Variants in TMIGD3 observed in about 807,000 individuals in gnomAD.
TMIGD3 encodes the protein AD026 protein (AD026).
A neutral mutation model predicts 28.1 loss-of-function variants in TMIGD3; 21 were observed. That is an observed-to-expected ratio of 0.75 (90% CI 0.53 to 1.08). The LOEUF is 1.08. Among genes scored for constraint, TMIGD3 ranks in the 50% least tolerant of loss-of-function variants. The pLI, the probability that TMIGD3 is intolerant of heterozygous loss-of-function variation, is 0.00. For synonymous variants in TMIGD3, 151 were observed against 162.1 expected, an observed-to-expected ratio of 0.93 and a Z score of 0.52; for missense variants, 416 against 435.6, an observed-to-expected ratio of 0.96 and a Z score of 0.40.
intron 1 of TMIGD3, among the ~76,000 whole-genome samples, chr1:111,555,086 C>T (rs1366843558): frequency 4.6e-5 from 7 of 151,956 alleles, no homozygotes; most frequent in African/African-American, 7.2e-5. Context: ...ATCAGGCAGG[C>T]GGGGCACAGT....
At chr1:111,547,825 C>T (rs1483086544) in intron 1 of TMIGD3, among the ~76,000 whole-genome samples, 3 of 152,118 alleles carry the variant, frequency 2.0e-5, no homozygotes, top group Non-Finnish European at 4.4e-5. Context: ...TCTGGTGAAG[C>T]TTTCCTGGTA....
intron 1 of TMIGD3, chr1:111,499,781 A>C: frequency 1.4e-6 from 2 of 1,442,416 alleles, no homozygotes; most frequent in South Asian, 1.5e-5. Context: ...AAGTGGAGGA[A>C]GAGAGTAGTG....
intron 5 of TMIGD3, 39 bp downstream of exon 5, chr1:111,485,701 A>T: frequency 1.5e-6 from 2 of 1,366,050 alleles, no homozygotes; most frequent in Non-Finnish European, 2.1e-6. Context: ...CATTTTCTCT[A>T]ATTCTTGCCC....
Position 111,488,984 on chromosome 1 carries a change from C to T in TMIGD3, c.498G>A (p.Val166=). The change falls in exon 3 of 6, where the codon GTG becomes GTA. Residue 166 remains valine (V), a synonymous_variant. Transcript: ENST00000369716. ...TGCAGATGGCAGAAGCCGTGTCCAG[C>T]ACAAAGCTTCTCTTGACCTTTTCAT... ...VMDEKVKRSF[V]LDTASAICNY... 1.9e-6 allele frequency: 3 copies of T among 1,613,924 alleles called. 1 individual carries two copies. The highest frequency in any genetic ancestry group is 3.3e-4 in the Middle Eastern group (2 of 6,060).
At chr1:111,560,370 C>A (rs1657684000) in intron 1 of TMIGD3, among the ~76,000 whole-genome samples, 1 of 151,730 alleles carries the variant, frequency 6.6e-6, no homozygotes, top group South Asian at 2.1e-4. Flanking sequence ...AGGCCTAAGG[C>A]AGGGGCTGAT....
At chr1:111,500,328 C>A (rs1229704416) in intron 1 of TMIGD3, 1 of 1,614,102 alleles carries the variant, frequency 6.2e-7, no homozygotes, top group Non-Finnish European at 8.5e-7. Context: ...AGATGGCGCA[C>A]ATGACAACCA....
At chr1:111,518,542 A>G (rs11808539) in intron 1 of TMIGD3, among the ~76,000 whole-genome samples, 41,393 of 152,038 alleles carry the variant, frequency 0.27, 6,177 homozygotes, top group East Asian at 0.66. Flanking sequence ...GATGAGAATC[A>G]CTCCCAGTTG....
intron 1 of TMIGD3, among the ~76,000 whole-genome samples, chr1:111,492,130 A>G (rs958246800): frequency 2.0e-5 from 3 of 152,172 alleles, no homozygotes; most frequent in African/African-American, 4.8e-5. Flanking sequence ...GGAAAAACCA[A>G]TTCACCAGAC....
chr1:111,543,603 G>GAGGAGGAGGAAGAGAAGGAGGAAT lies in TMIGD3; in HGVS notation c.107+20219_107+20242dup, dbSNP rs11270926. On this transcript the variant is annotated intron_variant, in intron 1 of 5. Transcript: ENST00000369717. Reference sequence around the variant, plus strand: ...AAAAGATTAGGCCCTCTGTCTTAAGGAGGAGGAGGAAGAGAAGGAGGAATA... The same window carrying GAGGAGGAGGAAGAGAAGGAGGAAT: ...AAAAGATTAGGCCCTCTGTCTTAAGGAGGAGGAGGAAGAGAAGGAGGAATAGGAGGAGGAAGAGAAGGAGGAATA... Among the ~76,000 whole-genome samples, 5 of 146,100 alleles carry GAGGAGGAGGAAGAGAAGGAGGAAT rather than the reference G, an allele frequency of 3.4e-5. No individual in the cohort carries two copies. In the East Asian group the frequency reaches 1.0e-3, roughly 29 times the overall value.
At chr1:111,518,570 C>T (rs914949209) in intron 1 of TMIGD3, among the ~76,000 whole-genome samples, 13 of 152,200 alleles carry the variant, frequency 8.5e-5, no homozygotes, top group South Asian at 8.3e-4. Flanking sequence ...GTGATCTAAA[C>T]GAGAAGCCTA....
intron 1 of TMIGD3, among the ~76,000 whole-genome samples, chr1:111,543,493 A>C (rs1656921702): frequency 6.6e-6 from 1 of 152,150 alleles, no homozygotes; most frequent in African/African-American, 2.4e-5. Context: ...AAAACTCCCA[A>C]TGGAGAGTAT....
Position 111,552,326 on chromosome 1 carries a change from T to C in TMIGD3, c.107+11520A>G, listed in dbSNP as rs145060581. 2.9e-3 allele frequency among the ~76,000 whole-genome samples: 442 copies of C among 152,254 alleles called. 2 individuals are homozygous for C. Among genetic ancestry groups the C allele is most frequent in the African/African-American group, 0.01 (425 of 41,546 alleles). On this transcript the variant is annotated intron_variant, in intron 1 of 5. Transcript: ENST00000369717. ...GCTATCTGCCACTGAGCTGGGGAGC[T>C]AGAGATGGAACGAAGGCAAGTTATA...
rs1654532620 is a variant in TMIGD3 at position 111,489,112 on chromosome 1, T to C, written c.458-88A>G. 4 of 1,285,402 alleles carry C rather than the reference T, an allele frequency of 3.1e-6. No individual in the cohort carries two copies. The East Asian group carries it at 9.3e-5, about 30-fold the overall frequency. 79.6% of individuals were successfully genotyped at this position (1,285,402 alleles called of 1,614,324 possible). A position where few individuals can be genotyped will look rare whatever the true frequency, so the allele number is the denominator to read the frequency against. ...TTGCAGCTCCTGCCCTCCTGAAGGA[T>C]AATTAATTAAAGAATCGGAGGCTGA... On this transcript the variant is annotated intron_variant, in intron 2 of 5. Transcript: ENST00000369716.
chr1:111,500,810 G>A (rs1655136474), intron 1 of TMIGD3: 1 of 546,800 alleles, frequency 1.8e-6, no homozygotes, highest in South Asian at 3.0e-5. Flanking sequence ...TTCTAAAGAA[G>A]AAAACTCTTG....
At chr1:111,499,764 A>G (rs1228938430) in intron 1 of TMIGD3, 4 of 1,420,194 alleles carry the variant, frequency 2.8e-6, no homozygotes, top group African/African-American at 1.4e-5. Flanking sequence ...AGGACAAGGG[A>G]AAAATGAAGT....
rs563350300 is a variant in TMIGD3, at chr1:111,546,913, C to T, written c.107+16933G>A. 8.9e-4 allele frequency among the ~76,000 whole-genome samples: 136 copies of T among 152,266 alleles called. 1 individual carries two copies. The highest frequency in any genetic ancestry group is 1.2e-4 in the Non-Finnish European group (8 of 67,994). ...GCAGTTCCCAAGGAATTTAATTTCTCCATATCGTCACCAACATTGTTATTT... is the reference window on the plus strand; with the variant it reads ...GCAGTTCCCAAGGAATTTAATTTCTTCATATCGTCACCAACATTGTTATTT... On this transcript the variant is annotated intron_variant, in intron 1 of 5. Coordinates refer to the TMIGD3 transcript ENST00000369717.
intron 1 of TMIGD3, among the ~76,000 whole-genome samples, chr1:111,559,255 C>G (rs953782269): frequency 1.3e-5 from 2 of 152,048 alleles, no homozygotes; most frequent in African/African-American, 4.8e-5. Flanking sequence ...ATAAGATAAT[C>G]AACTAACACA....
intron 1 of TMIGD3, among the ~76,000 whole-genome samples, chr1:111,532,895 G>T (rs1656502384): frequency 1.3e-5 from 2 of 152,194 alleles, no homozygotes; most frequent in Non-Finnish European, 2.9e-5. Flanking sequence ...CAATCTATTG[G>T]AGTGAGACTA....
At chr1:111,542,788 C>A (rs1469136304) in intron 1 of TMIGD3, among the ~76,000 whole-genome samples, 1 of 152,068 alleles carries the variant, frequency 6.6e-6, no homozygotes, top group African/African-American at 2.4e-5. Flanking sequence ...CCTCCGCCTC[C>A]CGGGTTCAAG....
Sources: allele counts gnomAD v4.1 joint callset (sites outside exome capture counted in the v4.1 genomes callset), GRCh38; gene constraint gnomAD v4.1.1; transcripts MANE v1.5; gene names NCBI Gene and HGNC (gene_info 2026-07-23, HGNC 2026-07-21).